Variants in C1QTNF3 observed in about 807,000 individuals in gnomAD.
The protein encoded by C1QTNF3 is C1q and TNF related 3.
C1QTNF3 carries 26 observed loss-of-function variants against 32.6 expected under a neutral mutation model. That is an observed-to-expected ratio of 0.80 (90% CI 0.58 to 1.11). The LOEUF is 1.11. C1QTNF3 is among the 50% of genes least tolerant of loss of function. The pLI, the probability that C1QTNF3 is intolerant of heterozygous loss-of-function variation, is 0.00. For missense variants in C1QTNF3, 362 were observed against 398.2 expected (o/e 0.91, Z 0.77); for synonymous variants, 155 against 146.0 (o/e 1.06, Z -0.44).
the C1QTNF3 span, among the ~76,000 whole-genome samples, chr5:34,162,262 G>C: frequency 6.6e-6 from 1 of 152,124 alleles, no homozygotes; most frequent in African/African-American, 2.4e-5. Context: ...GCAGAAAGCA[G>C]AAGGTCAAGA....
the C1QTNF3 span, chr5:34,158,623 A>G: frequency 6.6e-6 from 1 of 152,234 alleles, no homozygotes; most frequent in South Asian, 2.1e-4. Context: ...AGCCAATTTA[A>G]TTTCTCTTAA....
At chr5:34,155,080 C>G in the C1QTNF3 span, among the ~76,000 whole-genome samples, 1 of 152,074 alleles carries the variant, frequency 6.6e-6, no homozygotes, top group East Asian at 1.9e-4. Context: ...ATTAAAATGG[C>G]TTGTGGAAGT....
chr5:34,106,627 AAT>A, the C1QTNF3 span, among the ~76,000 whole-genome samples: 1 of 108,670 alleles, frequency 9.2e-6, no homozygotes, highest in Non-Finnish European at 1.9e-5. Context: ...TTGTTTTAAA[AAT>A]AGTTAATGCT....
chr5:34,031,814 C>T (rs1291278406), intron 3 of C1QTNF3, among the ~76,000 whole-genome samples: 1 of 152,130 alleles, frequency 6.6e-6, no homozygotes, highest in Non-Finnish European at 1.5e-5. Context: ...CCTGTGCACA[C>T]ACACACAAAA....
At chr5:34,020,798 T>TAAGAG (rs1754310038) in intron 5 of C1QTNF3, 56 bp from the exon 6 acceptor site, 1 of 1,555,792 alleles carries the variant, frequency 6.4e-7, no homozygotes, top group South Asian at 1.2e-5. Flanking sequence ...AACCAGCTCT[T>TAAGAG]CACCAAAGTC....
chr5:34,030,913 C>T (rs942332093), intron 3 of C1QTNF3, among the ~76,000 whole-genome samples: 7 of 152,044 alleles, frequency 4.6e-5, no homozygotes, highest in Non-Finnish European at 7.4e-5. Flanking sequence ...AGGGGAACAA[C>T]ACACACTGGG....
chr5:34,167,211 C>T, the C1QTNF3 span: 2 of 152,146 alleles, frequency 1.3e-5, no homozygotes, highest in Non-Finnish European at 2.9e-5. Context: ...GCTCATAGAA[C>T]GCTTGTCCAC....
the C1QTNF3 span, among the ~76,000 whole-genome samples, chr5:34,102,550 C>A: frequency 1.3e-5 from 2 of 151,016 alleles, no homozygotes; most frequent in Admixed American, 1.3e-4. Flanking sequence ...ATTCTTGATG[C>A]GAATTTTTTT....
the C1QTNF3 span, among the ~76,000 whole-genome samples, chr5:34,153,910 T>G: frequency 6.7e-6 from 1 of 149,756 alleles, no homozygotes; most frequent in African/African-American, 2.5e-5. Flanking sequence ...CTAGGTGAGA[T>G]TATAGATGTG....
the C1QTNF3 span, among the ~76,000 whole-genome samples, chr5:34,057,797 G>A: frequency 1.3e-5 from 2 of 152,184 alleles, no homozygotes; most frequent in Non-Finnish European, 2.9e-5. Flanking sequence ...GTAATGAGGC[G>A]TCCTGGTCTG....
the C1QTNF3 span, among the ~76,000 whole-genome samples, chr5:34,222,427 G>C: frequency 6.6e-6 from 1 of 151,178 alleles, no homozygotes; most frequent in Admixed American, 6.6e-5. Context: ...TATAACCAAG[G>C]CATAAATATT....
chr5:34,210,748 G>C, the C1QTNF3 span, among the ~76,000 whole-genome samples: 1 of 151,922 alleles, frequency 6.6e-6, no homozygotes, highest in Non-Finnish European at 1.5e-5. Context: ...GAGTTTTTAT[G>C]ATTCCTTTGT....
chr5:34,034,208 T>C (rs1162609192), intron 2 of C1QTNF3, among the ~76,000 whole-genome samples: 1 of 152,204 alleles, frequency 6.6e-6, no homozygotes, highest in Admixed American at 6.5e-5. Flanking sequence ...AACATGATAC[T>C]ATCTTTGTTT....
At chr5:34,050,347 A>G in the C1QTNF3 span, among the ~76,000 whole-genome samples, 1 of 152,122 alleles carries the variant, frequency 6.6e-6, no homozygotes, top group Non-Finnish European at 1.5e-5. Flanking sequence ...CTCTTCATGA[A>G]GTTTACTAGG....
chr5:34,074,873 TA>T, the C1QTNF3 span, among the ~76,000 whole-genome samples: 1 of 151,662 alleles, frequency 6.6e-6, no homozygotes, highest in Non-Finnish European at 1.5e-5. Flanking sequence ...TAGCAAAGCA[TA>T]AATTATACAA....
At chr5:34,128,133 T>G in the C1QTNF3 span, among the ~76,000 whole-genome samples, 1 of 152,196 alleles carries the variant, frequency 6.6e-6, no homozygotes, top group Non-Finnish European at 1.5e-5. Flanking sequence ...CAGCTCCAGC[T>G]CCAGCCATGG....
At chr5:34,064,473 T>C in the C1QTNF3 span, among the ~76,000 whole-genome samples, 1 of 152,130 alleles carries the variant, frequency 6.6e-6, no homozygotes, top group Non-Finnish European at 1.5e-5. Flanking sequence ...TTAGAAGCCA[T>C]AGGTCATGGA....
At chr5:34,088,938 AT>A in the C1QTNF3 span, among the ~76,000 whole-genome samples, 93 of 150,428 alleles carry the variant, frequency 6.2e-4, no homozygotes, top group African/African-American at 2.1e-3. Flanking sequence ...TTATGCCTGT[AT>A]TTTTTTTTGA....
chr5:34,209,403 C>T, the C1QTNF3 span, among the ~76,000 whole-genome samples: 2 of 150,786 alleles, frequency 1.3e-5, no homozygotes, highest in South Asian at 4.2e-4. Flanking sequence ...TGCACATATA[C>T]CCCTGAACTG....
Sources: allele counts gnomAD v4.1 joint callset (sites outside exome capture counted in the v4.1 genomes callset), GRCh38; gene constraint gnomAD v4.1.1; transcripts MANE v1.5; gene names NCBI Gene and HGNC (gene_info 2026-07-23, HGNC 2026-07-21).